The following SLC30A5 variants were observed in gnomAD, a reference collection of about 807,000 sequenced individuals.
SLC30A5 encodes the protein solute carrier family 30 member 5.
A neutral mutation model predicts 79.6 loss-of-function variants in SLC30A5; 33 were observed. The ratio of observed to expected loss-of-function variants is 0.41; its 90% CI spans 0.31 to 0.55. The LOEUF is 0.55. Ranked by LOEUF, SLC30A5 falls within the 20% of genes least tolerant of loss-of-function variation. SLC30A5 has a pLI of 0.20. For missense variants in SLC30A5, 788 were observed against 928.1 expected (o/e 0.85, Z 1.96); for synonymous variants, 299 against 319.7 (o/e 0.94, Z 0.69).
In SLC30A5 at chr5:69,100,939, G is replaced by GT; in HGVS notation, c.206+10_206+11insT. On this transcript the variant is annotated intron_variant, in intron 2 of 15. Transcript: ENST00000396591. ...TTATATTAAAACTTGGGTGAGTGTG[G>GT]GGGGGGGTTTTTTCTTGATATTTTT... 1 of 1,514,100 alleles carries GT rather than the reference G, an allele frequency of 6.6e-7. No homozygotes were observed. 93.8% of individuals were successfully genotyped at this position (1,514,100 alleles called of 1,614,324 possible).
chr5:69,112,679 C>T (rs1184618497), intron 5 of SLC30A5, among the ~76,000 whole-genome samples: 3 of 151,874 alleles, frequency 2.0e-5, no homozygotes, highest in African/African-American at 7.3e-5. Flanking sequence ...TTGTACTTTA[C>T]TAGATCTTAG....
chr5:69,121,566 G>T, intron 12 of SLC30A5, 128 bp from the exon 13 acceptor site: 2 of 627,694 alleles, frequency 3.2e-6, no homozygotes, highest in Non-Finnish European at 5.2e-6. Flanking sequence ...CTGAAACTTA[G>T]TAAGGTTTTA....
In SLC30A5 at chr5:69,116,305, G is replaced by A; in HGVS notation, c.1073-89G>A. On this transcript the variant is annotated intron_variant, in intron 9 of 15. Transcript: ENST00000396591. The surrounding 1 kb of genome is among the most constrained non-coding windows in gnomAD (Gnocchi z 4.0). ...TTTACTTATTTTGGGAAATTCTTCA[G>A]TGCTTGCATTTAGTGCCGACAGTTA... 4 of 1,498,784 alleles carry A rather than the reference G, an allele frequency of 2.7e-6. No individual in the cohort carries two copies. The highest frequency in any genetic ancestry group is 1.8e-6 in the Non-Finnish European group (2 of 1,117,486). 92.8% of individuals were successfully genotyped at this position (1,498,784 alleles called of 1,614,324 possible). A position where few individuals can be genotyped will look rare whatever the true frequency, so the allele number is the denominator to read the frequency against.
At chr5:69,111,132 T>G (rs1746218368) in intron 5 of SLC30A5, among the ~76,000 whole-genome samples, 1 of 151,642 alleles carries the variant, frequency 6.6e-6, no homozygotes, top group African/African-American at 2.4e-5. Flanking sequence ...TAGCTGAGAT[T>G]ACAGGCACAT....
chr5:69,124,215 T>C (rs1279571001), intron 14 of SLC30A5, among the ~76,000 whole-genome samples: 1 of 151,238 alleles, frequency 6.6e-6, no homozygotes, highest in East Asian at 1.9e-4. Context: ...TGACCTGGGA[T>C]TGTTTCCTGG....
At chr5:69,103,873 T>A (rs1746003504) in intron 3 of SLC30A5, 1 of 1,022,118 alleles carries the variant, frequency 9.8e-7, no homozygotes, top group Non-Finnish European at 1.4e-6. Flanking sequence ...AAAGACGAAT[T>A]TAAGTACTTC....
rs1342379601 is a variant in SLC30A5, at chr5:69,130,988, GTTAT to G, written c.*1374_*1377del. On this transcript the variant is annotated 3_prime_UTR_variant, in exon 16 of 16. Coordinates refer to ENST00000396591, the MANE Select transcript of SLC30A5 (RefSeq NM_022902.5). ...GAGGGGTTTTAGAAATTTGTTGTAA[GTTAT>G]TTTTATATTCCTTGTCTTTTGCATA... 1.3e-5 allele frequency: 2 copies of G among 151,974 alleles called. No homozygotes were observed. Among genetic ancestry groups the G allele is most frequent in the African/African-American group, 4.8e-5 (2 of 41,382 alleles). The allele number at this position is 151,974 out of a possible 1,614,324, so 9.4% of individuals were successfully genotyped here.
intron 1 of SLC30A5, among the ~76,000 whole-genome samples, chr5:69,099,056 T>A (rs998857515): frequency 6.6e-6 from 1 of 152,154 alleles, no homozygotes; most frequent in Admixed American, 6.5e-5. Context: ...CAGTCCTGAG[T>A]TGCATTTGAT....
intron 14 of SLC30A5, among the ~76,000 whole-genome samples, chr5:69,125,663 G>A (rs549530146): frequency 2.6e-5 from 4 of 151,232 alleles, no homozygotes; most frequent in South Asian, 2.1e-4. Context: ...GTGAAACCCC[G>A]TCTCTACTAA....
At chr5:69,118,966 A>G (rs1369022449) in intron 12 of SLC30A5, among the ~76,000 whole-genome samples, 1 of 151,916 alleles carries the variant, frequency 6.6e-6, no homozygotes, top group Non-Finnish European at 1.5e-5. Flanking sequence ...ACCCCCTGCT[A>G]AATTTTGTAT....
In SLC30A5 at chr5:69,115,946, TTC is replaced by T. The variant is rs775082061; in HGVS notation, c.809_810del (p.Leu270HisfsTer42). The T allele has an allele frequency of 5.0e-6, 8 of 1,611,158 alleles. No individual in the cohort carries two copies. On this transcript the variant is annotated frameshift_variant, in exon 9 of 16. Transcript: ENST00000396591. LOFTEE classifies it high-confidence loss of function. ...TTESKVESWF[S>X]LIMPFATVIF... ...TCTAGAGTAAAGTGGAGTCTTGGTT[TTC>T]TCTCATTATGCCTTTTGCAACGGTT...
At chr5:69,115,705 C>G (rs1746352429) in intron 8 of SLC30A5, among the ~76,000 whole-genome samples, 1 of 152,116 alleles carries the variant, frequency 6.6e-6, no homozygotes, top group African/African-American at 2.4e-5. Flanking sequence ...TGTGTGTCGC[C>G]TAGTGTTCAT....
At chr5:69,121,670 G>C in intron 12 of SLC30A5, 24 bp from the exon 13 acceptor site, 2 of 1,526,258 alleles carry the variant, frequency 1.3e-6, no homozygotes, top group Admixed American at 2.0e-5. Context: ...CTAATTTAAA[G>C]GTTTTTTTTC....
intron 13 of SLC30A5, 89 bp downstream of exon 13, chr5:69,121,984 T>C: frequency 1.9e-6 from 2 of 1,065,110 alleles, no homozygotes; most frequent in Admixed American, 2.8e-5. Context: ...GGGCTTCTGG[T>C]ATGATATGAT....
rs1745643353 is a variant in SLC30A5 at position 69,094,096 on chromosome 5, C to T, written c.-160C>T. On this transcript the variant is annotated 5_prime_UTR_variant, in exon 1 of 16. Transcript: ENST00000396591. ...GTCCCGACGCGTGTGTGCTAGTGAG[C>T]CGGAGCCGGCGACGGCGGCAGTGGC... The T allele has an allele frequency of 2.4e-6, 1 of 411,274 alleles. No homozygotes were observed. Among genetic ancestry groups the T allele is most frequent in the East Asian group, 3.6e-5 (1 of 27,962 alleles). 25.5% of individuals were successfully genotyped at this position (411,274 alleles called of 1,614,324 possible). A position where few individuals can be genotyped will look rare whatever the true frequency, so the allele number is the denominator to read the frequency against.
chr5:69,112,497 G>A (rs1306327585), intron 5 of SLC30A5, among the ~76,000 whole-genome samples: 1 of 151,958 alleles, frequency 6.6e-6, no homozygotes, highest in African/African-American at 2.4e-5. Flanking sequence ...TGTGGTCCCA[G>A]CTATTTGGTA....
chr5:69,094,207 T>G lies in SLC30A5; in HGVS notation c.-49T>G. The G allele has an allele frequency of 2.0e-6, 2 of 981,708 alleles. No individual in the cohort carries two copies. The highest frequency in any genetic ancestry group is 2.7e-6 in the Non-Finnish European group (2 of 743,226). 60.8% of individuals were successfully genotyped at this position (981,708 alleles called of 1,614,324 possible). ...GCTGTTCCGCGGCAGCGGCGAGACA[T>G]GAGGAGACCCCGCGACAGGGGCAGC... On this transcript the variant is annotated 5_prime_UTR_variant, in exon 1 of 16. It removes an upstream start codon present in the reference 5' UTR. Coordinates refer to ENST00000396591, the MANE Select transcript of SLC30A5 (RefSeq NM_022902.5).
At position 69,116,061 on chromosome 5, in the gene SLC30A5, T is replaced by C; in HGVS notation, c.919T>C (p.Phe307Leu). 6.2e-7 allele frequency: 1 copy of C among 1,614,198 alleles called. No individual in the cohort carries two copies. Residue 307 changes from phenylalanine to leucine, a missense_variant, in exon 9 of 16, where the codon TTT becomes CTT. By Grantham distance (22) the Phe-to-Leu change is conservative. Transcript: ENST00000396591. The surrounding 1 kb of genome is among the most constrained non-coding windows in gnomAD (Gnocchi z 4.0). Reference protein sequence around the residue: ...EVSKCARYGSFPIFISALLFG... With the variant: ...EVSKCARYGSLPIFISALLFG... The stretch of plus-strand genomic sequence containing the variant: ...TTCCAAATGTGCTCGTTATGGATCC[T>C]TTCCCATTTTTATTAGTGCTCTCCT...
At chr5:69,122,873 T>G (rs164573) in intron 13 of SLC30A5, among the ~76,000 whole-genome samples, 2 of 151,888 alleles carry the variant, frequency 1.3e-5, no homozygotes, top group Admixed American at 1.3e-4. Context: ...ATCATTTATT[T>G]TGCTGAATTG....
Sources: gnomAD v4.1 joint callset for allele counts (sites outside exome capture counted in the v4.1 genomes callset) on GRCh38, gnomAD v4.1.1 for gene constraint, Gnocchi (gnomAD v3.1) non-coding constraint, MANE v1.5 for transcripts, NCBI Gene and HGNC (gene_info 2026-07-23, HGNC 2026-07-21) for gene names.